Variants in RBFOX1 observed in about 807,000 individuals in gnomAD.
The protein encoded by RBFOX1 is RNA binding protein fox-1 homolog 1.
A neutral mutation model predicts 57.7 loss-of-function variants in RBFOX1; 8 were observed. That is an observed-to-expected ratio of 0.14 (90% CI 0.08 to 0.25). The LOEUF (loss-of-function observed/expected upper bound fraction) is 0.25. Ranked by LOEUF, RBFOX1 falls within the 10% of genes least tolerant of loss-of-function variation. The pLI, the probability that RBFOX1 is intolerant of heterozygous loss-of-function variation, is 1.00. For missense variants in RBFOX1, 611 were observed against 548.5 expected (o/e 1.11, Z -1.14); for synonymous variants, 326 against 222.4 (o/e 1.47, Z -4.15).
intron 4 of RBFOX1, among the ~76,000 whole-genome samples, chr16:5,873,202 A>C (rs1021659652): frequency 2.0e-5 from 3 of 152,144 alleles, no homozygotes; most frequent in East Asian, 1.9e-4. Context: ...ACAATAATTA[A>C]ATAACCTAAT....
At chr16:6,794,087 T>C (rs2083470867) in intron 3 of RBFOX1, among the ~76,000 whole-genome samples, 1 of 152,088 alleles carries the variant, frequency 6.6e-6, no homozygotes, top group African/African-American at 2.4e-5. Context: ...CTGAAATGAC[T>C]GAACTATAAG....
At chr16:7,158,744 C>T (rs867244717) in intron 4 of RBFOX1, among the ~76,000 whole-genome samples, 1 of 151,280 alleles carries the variant, frequency 6.6e-6, no homozygotes. Context: ...TGTGTTGTTT[C>T]TGGGTGGTGT....
At chr16:7,430,240 C>G (rs2098665720) in intron 4 of RBFOX1, among the ~76,000 whole-genome samples, 1 of 152,202 alleles carries the variant, frequency 6.6e-6, no homozygotes, top group South Asian at 2.1e-4. Flanking sequence ...TCACTCATAG[C>G]CATTCCCTAT....
At chr16:6,878,913 A>G (rs182203090) in intron 3 of RBFOX1, among the ~76,000 whole-genome samples, 6 of 152,140 alleles carry the variant, frequency 3.9e-5, no homozygotes, top group Admixed American at 3.9e-4. Flanking sequence ...AAGTTAAAGA[A>G]AAGGGTAGGA....
intron 3 of RBFOX1, among the ~76,000 whole-genome samples, chr16:6,797,282 A>G (rs571455765): frequency 1.3e-5 from 2 of 152,282 alleles, no homozygotes; most frequent in East Asian, 3.9e-4. Flanking sequence ...GGATCCTGGT[A>G]AATCTCAGAA....
chr16:5,670,525 A>G (rs1175323557), intron 3 of RBFOX1, among the ~76,000 whole-genome samples: 1 of 152,202 alleles, frequency 6.6e-6, no homozygotes, highest in Non-Finnish European at 1.5e-5. Context: ...TTAAGCCACA[A>G]GCCCTGATTT....
In RBFOX1 at chr16:7,711,822, G is replaced by A. The variant is rs1257372185; in HGVS notation, c.*1077G>A. 1 of 152,530 alleles carries A rather than the reference G, an allele frequency of 6.6e-6. No homozygotes were observed. Among genetic ancestry groups the A allele is most frequent in the African/African-American group, 2.4e-5 (1 of 41,428 alleles). 9.4% of individuals were successfully genotyped at this position (152,530 alleles called of 1,614,324 possible). A position where few individuals can be genotyped will look rare whatever the true frequency, so the allele number is the denominator to read the frequency against. ...TCGGATTTATAGAAGCATTTTACAA[G>A]TATTGCAATCATTGAGTAGAGATAA... On this transcript the variant is annotated 3_prime_UTR_variant, in exon 16 of 16. Coordinates refer to ENST00000550418, the MANE Select transcript of RBFOX1 (RefSeq NM_018723.4).
intron 1 of RBFOX1, among the ~76,000 whole-genome samples, chr16:6,187,435 T>G (rs147979898): frequency 1.4e-4 from 22 of 152,136 alleles, no homozygotes; most frequent in African/African-American, 5.1e-4. Flanking sequence ...GATAAAAGAT[T>G]GGGAATTTAG....
At chr16:6,909,030 T>C (rs553163001) in intron 3 of RBFOX1, among the ~76,000 whole-genome samples, 4 of 152,194 alleles carry the variant, frequency 2.6e-5, no homozygotes, top group African/African-American at 7.2e-5. Context: ...GAGGTTCTTA[T>C]TGTTGCTATA....
chr16:5,916,019 C>T (rs183447146), intron 4 of RBFOX1, among the ~76,000 whole-genome samples: 38 of 152,276 alleles, frequency 2.5e-4, no homozygotes, highest in African/African-American at 8.9e-4. Context: ...GCCTTCACAG[C>T]AGCTAGTAAT....
Position 6,507,507 on chromosome 16 carries a change from C to CA in RBFOX1, c.-63-147078dup, listed in dbSNP as rs57685233. Among the ~76,000 whole-genome samples, 140 of 97,172 alleles carry CA rather than the reference C, an allele frequency of 1.4e-3. 3 individuals carry two copies. Among genetic ancestry groups the CA allele is most frequent in the East Asian group, 8.4e-3 (25 of 2,988 alleles). The allele number at this position is 97,172 out of a possible 152,430, so 63.7% of individuals were successfully genotyped here. ...GCAACATAACAAGACCCTATCTGTA[C>CA]AAAAAAAAAAAAAAAAAAGCCTGGC... is the stretch of plus-strand genomic sequence containing the variant. On this transcript the variant is annotated intron_variant, in intron 2 of 15. Coordinates refer to ENST00000550418, the MANE Select transcript of RBFOX1 (RefSeq NM_018723.4).
At chr16:7,210,827 G>A (rs2090980749) in intron 4 of RBFOX1, among the ~76,000 whole-genome samples, 1 of 151,996 alleles carries the variant, frequency 6.6e-6, no homozygotes, top group African/African-American at 2.4e-5. Flanking sequence ...GAGATCCAAT[G>A]TACAGTATGA....
intron 4 of RBFOX1, among the ~76,000 whole-genome samples, chr16:5,894,461 G>T (rs925500883): frequency 6.6e-6 from 1 of 151,934 alleles, no homozygotes; most frequent in Non-Finnish European, 1.5e-5. Flanking sequence ...TTTTAGTAGA[G>T]ATAGGGTTTT....
At chr16:7,236,088 A>C (rs1203458375) in intron 4 of RBFOX1, among the ~76,000 whole-genome samples, 2 of 152,184 alleles carry the variant, frequency 1.3e-5, no homozygotes, top group Non-Finnish European at 2.9e-5. Flanking sequence ...GACTTAGCTT[A>C]CCTCTTCAAC....
chr16:5,681,111 T>C (rs1432501870), intron 3 of RBFOX1, among the ~76,000 whole-genome samples: 1 of 152,054 alleles, frequency 6.6e-6, no homozygotes, highest in Non-Finnish European at 1.5e-5. Flanking sequence ...TCTCGCTCTG[T>C]CACCCAGTCT....
rs143199789 is a variant in RBFOX1, at chr16:6,036,014, C to G, written c.-127+16022C>G. On this transcript the variant is annotated intron_variant, in intron 1 of 15. Coordinates refer to ENST00000550418, the MANE Select transcript of RBFOX1 (RefSeq NM_018723.4). Reference sequence around the variant, plus strand: ...TGAGGTGCTTTACATATACTATCATCCTATGTATTATTGTTTTTCTGTAGT... The same window carrying G: ...TGAGGTGCTTTACATATACTATCATGCTATGTATTATTGTTTTTCTGTAGT... Among the ~76,000 whole-genome samples the G allele has an allele frequency of 1.8e-3, 274 of 152,258 alleles. 2 individuals carry two copies. Among genetic ancestry groups the G allele is most frequent in the African/African-American group, 5.9e-3 (245 of 41,542 alleles).
At chr16:5,746,124 A>G (rs978857163) in intron 3 of RBFOX1, among the ~76,000 whole-genome samples, 1 of 152,218 alleles carries the variant, frequency 6.6e-6, no homozygotes, top group Non-Finnish European at 1.5e-5. Flanking sequence ...TATAAGGTGT[A>G]AAGAAGGGAT....
At chr16:5,954,720 A>G (rs1038098391) in intron 4 of RBFOX1, among the ~76,000 whole-genome samples, 5 of 152,066 alleles carry the variant, frequency 3.3e-5, no homozygotes, top group Non-Finnish European at 7.4e-5. Flanking sequence ...GTGAGCTATT[A>G]TTTCATCTCT....
rs569622487 is a variant in RBFOX1, at chr16:6,971,882, AC to A, written c.-15-80172del. On this transcript the variant is annotated intron_variant, in intron 3 of 15. Coordinates refer to ENST00000550418, the MANE Select transcript of RBFOX1 (RefSeq NM_018723.4). ...TAATTCCCTGCAGTGATCCGCTGGT[AC>A]CCTTTACATCAGCAGCCTCAGTGGG... 2.3e-4 allele frequency among the ~76,000 whole-genome samples: 35 copies of A among 152,180 alleles called. No individual in the cohort carries two copies. The South Asian group carries it at 2.5e-3, about 11-fold the overall frequency.
Sources: gnomAD v4.1 joint callset for allele counts (sites outside exome capture counted in the v4.1 genomes callset) on GRCh38, gnomAD v4.1.1 for gene constraint, MANE v1.5 for transcripts, NCBI Gene and HGNC (gene_info 2026-07-23, HGNC 2026-07-21) for gene names.